LAMA1: variants seen among roughly 807,000 people sequenced by gnomAD.
LAMA1 encodes laminin subunit alpha-1.
LAMA1 carries 219 observed loss-of-function variants against 348.7 expected under a neutral mutation model. That is an observed-to-expected ratio of 0.63 (90% CI 0.56 to 0.70). The LOEUF is 0.70. Among genes scored for constraint, LAMA1 ranks in the 30% least tolerant of loss-of-function variants. The pLI, the probability that LAMA1 is intolerant of heterozygous loss-of-function variation, is 0.00. For synonymous variants in LAMA1, 1,487 were observed against 1,491.0 expected, an observed-to-expected ratio of 1.00 and a Z score of 0.06; for missense variants, 3,744 against 3,888.0, an observed-to-expected ratio of 0.96 and a Z score of 0.99.
At chr18:7,084,003 G>A (rs567834004) in intron 1 of LAMA1, among the ~76,000 whole-genome samples, 1 of 147,592 alleles carries the variant, frequency 6.8e-6, no homozygotes, top group African/African-American at 2.5e-5. Flanking sequence ...AAGTTGAGAA[G>A]CGGAGGTTGC....
At chr18:6,964,917 C>A in intron 50 of LAMA1, 114 bp from the exon 51 acceptor site, 3 of 1,222,848 alleles carry the variant, frequency 2.5e-6, no homozygotes, top group Non-Finnish European at 3.5e-6. Flanking sequence ...CTTTTAGATT[C>A]TGCGAATTTG....
In LAMA1 at chr18:6,977,941, A is replaced by T. The variant is rs935285069; in HGVS notation, c.6191-60T>A. 4 of 1,559,564 alleles carry T rather than the reference A, an allele frequency of 2.6e-6. No individual in the cohort carries two copies. The African/African-American group carries it at 4.1e-5, about 16-fold the overall frequency. On this transcript the variant is annotated intron_variant, in intron 43 of 62. Coordinates refer to ENST00000389658, the MANE Select transcript of LAMA1 (RefSeq NM_005559.4). ...AGTTGGGGAGAGGGAAAAACAAGAT[A>T]ATTAATTGTCCATTAACAATGCACT...
At chr18:6,963,309 A>G (rs949142587) in intron 51 of LAMA1, among the ~76,000 whole-genome samples, 3 of 152,166 alleles carry the variant, frequency 2.0e-5, no homozygotes, top group African/African-American at 7.2e-5. Context: ...GGCTACAGGA[A>G]CACCCCAGTC....
At chr18:7,048,501 T>C (rs1393606993) in intron 5 of LAMA1, among the ~76,000 whole-genome samples, 2 of 152,068 alleles carry the variant, frequency 1.3e-5, no homozygotes, top group East Asian at 3.9e-4. Context: ...ACCCTCCCAT[T>C]TCAGCCTCCC....
In LAMA1 at chr18:6,963,573, C is replaced by T. The variant is rs562814404; in HGVS notation, c.7337+1089G>A. Reference sequence around the variant, plus strand: ...TACAAAAGGCTGCTCATCATAGCAACTGAATGGCTGCAGCTCTGTGCCACA... The same window carrying T: ...TACAAAAGGCTGCTCATCATAGCAATTGAATGGCTGCAGCTCTGTGCCACA... On this transcript the variant is annotated intron_variant, in intron 51 of 62. Coordinates refer to ENST00000389658, the MANE Select transcript of LAMA1 (RefSeq NM_005559.4). Among the ~76,000 whole-genome samples, 14 of 152,290 alleles carry T rather than the reference C, an allele frequency of 9.2e-5. No homozygotes were observed. The South Asian group carries it at 2.9e-3, about 32-fold the overall frequency.
At chr18:6,986,687 T>C (rs997680642) in intron 36 of LAMA1, among the ~76,000 whole-genome samples, 23 of 152,250 alleles carry the variant, frequency 1.5e-4, no homozygotes, top group South Asian at 1.2e-3. Context: ...CGGTGATCTT[T>C]CATCTCATGT....
intron 36 of LAMA1, 24 bp from the exon 37 acceptor site, chr18:6,986,371 T>C (rs1055897470): frequency 8.7e-6 from 14 of 1,606,978 alleles, no homozygotes; most frequent in Middle Eastern, 1.7e-4. Context: ...ATGGTTCACA[T>C]AGTAAGTAAA....
intron 3 of LAMA1, among the ~76,000 whole-genome samples, chr18:7,061,524 C>T (rs2058101830): frequency 1.3e-5 from 2 of 152,198 alleles, no homozygotes; most frequent in African/African-American, 2.4e-5. Context: ...CAACTCCTAA[C>T]GATTCCCTTG....
intron 3 of LAMA1, among the ~76,000 whole-genome samples, chr18:7,061,418 G>C (rs1259301989): frequency 6.6e-6 from 1 of 152,170 alleles, no homozygotes; most frequent in Admixed American, 6.6e-5. Context: ...CCACATGACA[G>C]CCAAGTGCCC....
At chr18:6,977,008 A>C (rs2057685687) in intron 44 of LAMA1, among the ~76,000 whole-genome samples, 2 of 152,230 alleles carry the variant, frequency 1.3e-5, no homozygotes, top group Admixed American at 6.5e-5. Flanking sequence ...GGTTTTGGAA[A>C]AGACAGAGCC....
chr18:7,105,896 A>G (rs1279466656), intron 1 of LAMA1, among the ~76,000 whole-genome samples: 1 of 152,226 alleles, frequency 6.6e-6, no homozygotes, highest in Non-Finnish European at 1.5e-5. Context: ...AACTGTGGGG[A>G]AACCCATTTA....
intron 55 of LAMA1, among the ~76,000 whole-genome samples, chr18:6,958,178 C>T (rs1053126106): frequency 4.6e-5 from 7 of 152,114 alleles, no homozygotes; most frequent in Admixed American, 4.6e-4. Context: ...TCACAAAATC[C>T]CTATGTTCCT....
In LAMA1 at chr18:7,080,458, C is replaced by CA; in HGVS notation, c.62-2_62-1insT. On this transcript the variant is annotated splice_acceptor_variant, in intron 1 of 62. Coordinates refer to ENST00000389658, the MANE Select transcript of LAMA1 (RefSeq NM_005559.4). LOFTEE classifies it high-confidence loss of function. Reference sequence around the variant, plus strand: ...AGATTGAGAATGGCAGGAAACAGGCCTGAAAGTGAAAATTTACCAAATCAG... The same window carrying CA: ...AGATTGAGAATGGCAGGAAACAGGCCATGAAAGTGAAAATTTACCAAATCAG... 6.2e-7 allele frequency: 1 copy of CA among 1,614,078 alleles called. No homozygotes were observed. Among genetic ancestry groups the CA allele is most frequent in the South Asian group, 1.1e-5 (1 of 91,068 alleles).
At chr18:7,069,981 A>T (rs534756426) in intron 3 of LAMA1, among the ~76,000 whole-genome samples, 35 of 152,352 alleles carry the variant, frequency 2.3e-4, no homozygotes, top group African/African-American at 8.2e-4. Context: ...GTGATTTCTT[A>T]CACAATAGAT....
intron 19 of LAMA1, among the ~76,000 whole-genome samples, chr18:7,017,765 T>C (rs2057895735): frequency 6.6e-6 from 1 of 152,212 alleles, no homozygotes; most frequent in African/African-American, 2.4e-5. Flanking sequence ...ATTCAATATT[T>C]TAAAGCTCAG....
rs766555113 is a variant in LAMA1 at position 7,090,874 on chromosome 18, G to T, written c.62-10417C>A. On this transcript the variant is annotated intron_variant, in intron 1 of 62. Transcript: ENST00000389658. ...AGAGAAGTTTAATCAGAAAACAAGA[G>T]GGGGTGGTAAGCAGAAGGATTTAGC... 3.3e-5 allele frequency among the ~76,000 whole-genome samples: 5 copies of T among 152,300 alleles called. No homozygotes were observed. The South Asian group carries it at 6.2e-4, about 19-fold the overall frequency.
chr18:7,083,613 T>C (rs952962169), intron 1 of LAMA1, among the ~76,000 whole-genome samples: 48 of 152,318 alleles, frequency 3.2e-4, no homozygotes, highest in Admixed American at 2.9e-3. Flanking sequence ...AATATTTGGG[T>C]TGTCTTTCAC....
At position 6,975,977 on chromosome 18, in the gene LAMA1, T is replaced by A; in HGVS notation, c.6449A>T (p.Glu2150Val). Reference protein sequence around the residue: ...NTLTLNVKTQEPDNLLFYLGS... With the variant: ...NTLTLNVKTQVPDNLLFYLGS... ...GAGGTAGAAGAGAAGATTATCGGGT[T>A]CCTGTGTCTTAACATTTAGTGTTAA... Residue 2150 changes from glutamate to valine, a missense_variant, in exon 45 of 63, where the codon GAA (glutamate) becomes GTA (valine). Around this residue, in one of 3 missense-constraint regions of LAMA1, gnomAD observed 1,983 missense variants for 1,934.3 expected, o/e 1.03. Coordinates refer to ENST00000389658, the MANE Select transcript of LAMA1 (RefSeq NM_005559.4). 6.2e-7 allele frequency: 1 copy of A among 1,614,218 alleles called. No homozygotes were observed. The highest frequency in any genetic ancestry group is 8.5e-7 in the Non-Finnish European group (1 of 1,180,052).
chr18:7,039,667 C>G (rs1026545559), intron 10 of LAMA1, among the ~76,000 whole-genome samples: 1 of 152,172 alleles, frequency 6.6e-6, no homozygotes, highest in Non-Finnish European at 1.5e-5. Flanking sequence ...CAAATGGATA[C>G]AGCTCTGTTC....
Sources: allele counts gnomAD v4.1 joint callset (sites outside exome capture counted in the v4.1 genomes callset), GRCh38; gene constraint gnomAD v4.1.1; regional missense constraint gnomAD v4.1.1; transcripts MANE v1.5; gene names NCBI Gene and HGNC (gene_info 2026-07-23, HGNC 2026-07-21).